HSD17B12: variants seen among roughly 807,000 people sequenced by gnomAD.
The protein encoded by HSD17B12 is very-long-chain 3-oxoacyl-CoA reductase.
In HSD17B12, 32 loss-of-function variants were observed where a neutral mutation model predicts 39.3. The ratio of observed to expected loss-of-function variants is 0.81; its 90% CI spans 0.61 to 1.09. HSD17B12 has a LOEUF of 1.09. Ranked by LOEUF, HSD17B12 falls within the 50% of genes least tolerant of loss-of-function variation. The probability of loss-of-function intolerance (pLI) is 0.00; values close to 1 mark genes in which losing one functional copy is unlikely to be tolerated. For synonymous variants in HSD17B12, 150 were observed against 146.7 expected (o/e 1.02, Z -0.16); for missense variants, 342 against 382.9 (o/e 0.89, Z 0.89).
Position 43,680,851 on chromosome 11 carries a change from C to G in HSD17B12, c.24C>G (p.Ala8=), listed in dbSNP as rs753384105. 3.7e-6 allele frequency: 6 copies of G among 1,614,024 alleles called. No individual in the cohort carries two copies. The African/African-American group carries it at 8.0e-5, about 22-fold the overall frequency. The change falls in exon 1 of 11, where the codon GCC becomes GCG. Residue 8 remains alanine (A), a synonymous_variant. Transcript: ENST00000278353. ...CCATGGAGAGCGCTCTCCCCGCCGC[C>G]GGCTTCCTGTACTGGGTCGGCGCGG... MESALPA[A]GFLYWVGAGT...
At chr11:43,770,015 C>T (rs1035860286) in intron 3 of HSD17B12, among the ~76,000 whole-genome samples, 4 of 152,188 alleles carry the variant, frequency 2.6e-5, no homozygotes, top group Non-Finnish European at 4.4e-5. Flanking sequence ...TGTGTCTCTA[C>T]GTGCCTAGCC....
chr11:43,634,112 A>G, the HSD17B12 span, among the ~76,000 whole-genome samples: 5 of 142,050 alleles, frequency 3.5e-5, no homozygotes, highest in Non-Finnish European at 6.1e-5. Context: ...AAAAAAAAGA[A>G]AGACACATGT....
intron 1 of HSD17B12, among the ~76,000 whole-genome samples, chr11:43,726,884 A>G (rs2134878072): frequency 6.6e-6 from 1 of 152,338 alleles, no homozygotes; most frequent in African/African-American, 2.4e-5. Context: ...AATGTATAAA[A>G]ATAGTTAAAG....
At chr11:43,849,259 C>T (rs568924199) in intron 9 of HSD17B12, among the ~76,000 whole-genome samples, 17 of 151,982 alleles carry the variant, frequency 1.1e-4, no homozygotes, top group Non-Finnish European at 5.9e-5. Flanking sequence ...GAGCTGAGAT[C>T]GCACCACTGC....
At chr11:43,619,258 A>T in the HSD17B12 span, among the ~76,000 whole-genome samples, 2 of 82,542 alleles carry the variant, frequency 2.4e-5, no homozygotes, top group Non-Finnish European at 2.6e-5. Flanking sequence ...ATATATATAT[A>T]TTTTATATAT....
chr11:43,591,928 G>A, the HSD17B12 span, among the ~76,000 whole-genome samples: 1 of 151,910 alleles, frequency 6.6e-6, no homozygotes. Context: ...TTATTTGGGG[G>A]CAGTGCACCA....
chr11:43,681,046 C>T (rs1388967855), intron 1 of HSD17B12, 59 bp downstream of exon 1: 3 of 1,492,174 alleles, frequency 2.0e-6, no homozygotes, highest in Non-Finnish European at 2.7e-6. Context: ...AGGCCTGGGC[C>T]GTGATGACTA....
intron 7 of HSD17B12, among the ~76,000 whole-genome samples, chr11:43,835,911 T>C (rs1002955644): frequency 1.3e-5 from 2 of 152,164 alleles, no homozygotes; most frequent in African/African-American, 4.8e-5. Flanking sequence ...TATTTTAATA[T>C]GGGAAAGGAA....
At chr11:43,751,010 G>T in intron 2 of HSD17B12, 53 bp downstream of exon 2, 1 of 1,173,000 alleles carries the variant, frequency 8.5e-7, no homozygotes, top group Non-Finnish European at 1.2e-6. Flanking sequence ...GAATAAATAT[G>T]GGATGATTTC....
At chr11:43,614,723 C>T in the HSD17B12 span, among the ~76,000 whole-genome samples, 6 of 152,036 alleles carry the variant, frequency 3.9e-5, no homozygotes, top group Non-Finnish European at 8.8e-5. Context: ...TTGGTCTTTT[C>T]TACAGTGTCC....
intron 1 of HSD17B12, among the ~76,000 whole-genome samples, chr11:43,707,697 G>A (rs770358963): frequency 2.0e-5 from 3 of 152,150 alleles, no homozygotes; most frequent in Non-Finnish European, 4.4e-5. Flanking sequence ...AAAATAACAT[G>A]CATAATTTGT....
At chr11:43,565,652 A>G in the HSD17B12 span, among the ~76,000 whole-genome samples, 1 of 152,354 alleles carries the variant, frequency 6.6e-6, no homozygotes, top group South Asian at 2.1e-4. Context: ...CTCTTAAATT[A>G]GCTGTCCCAG....
chr11:43,738,941 T>A (rs1950340294), intron 1 of HSD17B12, among the ~76,000 whole-genome samples: 1 of 152,236 alleles, frequency 6.6e-6, no homozygotes, highest in African/African-American at 2.4e-5. Context: ...AGAAGAAATG[T>A]TACCTATTGC....
intron 1 of HSD17B12, among the ~76,000 whole-genome samples, chr11:43,737,549 C>G (rs1950327778): frequency 6.6e-6 from 1 of 152,074 alleles, no homozygotes; most frequent in Non-Finnish European, 1.5e-5. Flanking sequence ...AAGACATAAG[C>G]CTTTTTAAAA....
At chr11:43,785,796 A>G (rs1590298704) in intron 3 of HSD17B12, among the ~76,000 whole-genome samples, 1 of 152,178 alleles carries the variant, frequency 6.6e-6, no homozygotes, top group Admixed American at 6.5e-5. Context: ...TCATTGTTCT[A>G]CCTCATAGTC....
At chr11:43,691,403 G>A (rs1949861169) in intron 1 of HSD17B12, among the ~76,000 whole-genome samples, 1 of 152,228 alleles carries the variant, frequency 6.6e-6, no homozygotes, top group African/African-American at 2.4e-5. Flanking sequence ...AATAAATTAT[G>A]TCAGTGGCTA....
chr11:43,838,165 A>G (rs1951389300), intron 7 of HSD17B12, 152 bp from the exon 8 acceptor site: 1 of 627,878 alleles, frequency 1.6e-6, no homozygotes, highest in Non-Finnish European at 2.9e-6. Context: ...CTGACCAAGC[A>G]TAGCACATAC....
chr11:43,715,083 G>A (rs1211540007), intron 1 of HSD17B12, among the ~76,000 whole-genome samples: 2 of 152,140 alleles, frequency 1.3e-5, no homozygotes, highest in East Asian at 3.9e-4. Flanking sequence ...GGGACAATTT[G>A]ACTTCCTCTT....
intron 9 of HSD17B12, among the ~76,000 whole-genome samples, chr11:43,840,638 T>C (rs1250620609): frequency 1.3e-5 from 2 of 152,192 alleles, no homozygotes; most frequent in African/African-American, 4.8e-5. Context: ...TATTTGATCT[T>C]TTGTGACTGG....
Sources: allele counts gnomAD v4.1 joint callset (sites outside exome capture counted in the v4.1 genomes callset), GRCh38; gene constraint gnomAD v4.1.1; transcripts MANE v1.5; gene names NCBI Gene and HGNC (gene_info 2026-07-23, HGNC 2026-07-21).